The following LEKR1 variants were observed in gnomAD, a reference collection of about 807,000 sequenced individuals.
LEKR1 encodes the protein leucine, glutamate and lysine rich 1, also known as protein LEKR1.
In LEKR1, 59 loss-of-function variants were observed where a neutral mutation model predicts 72.4. The ratio of observed to expected loss-of-function variants is 0.82; its 90% confidence interval spans 0.66 to 1.01. The LOEUF (loss-of-function observed/expected upper bound fraction) is 1.01, where lower values mean the gene tolerates loss of function less well. LEKR1 is among the 50% of genes least tolerant of loss of function. LEKR1 has a pLI of 0.00. For missense variants in LEKR1, 728 were observed against 759.2 expected (o/e 0.96, Z 0.48); for synonymous variants, 257 against 263.2 (o/e 0.98, Z 0.23).
chr3:157,042,360 G>A lies in LEKR1; in HGVS notation c.1669-2980G>A, dbSNP rs988921123. ...CAGTCAGCAGCTCTTCCCCCACCCC[G>A]CTGGCTGGCCCCATTCACTTACTTT... On this transcript the variant is annotated intron_variant, in intron 12 of 12. Transcript: ENST00000356539. 7.9e-5 allele frequency among the ~76,000 whole-genome samples: 12 copies of A among 152,150 alleles called. No homozygotes were observed. The South Asian group carries it at 8.3e-4, about 11-fold the overall frequency.
intron 6 of LEKR1, among the ~76,000 whole-genome samples, chr3:156,975,982 T>C (rs1729654617): frequency 6.6e-6 from 1 of 152,156 alleles, no homozygotes; most frequent in South Asian, 2.1e-4. Context: ...ATAATACACT[T>C]ATTTAACAAC....
chr3:156,992,945 T>G, intron 8 of LEKR1, 129 bp from the exon 9 acceptor site: 1 of 549,568 alleles, frequency 1.8e-6, no homozygotes. Context: ...ATTCTTTTTT[T>G]AAAATTTTTA....
At chr3:156,905,928 C>T (rs1010935914) in intron 3 of LEKR1, among the ~76,000 whole-genome samples, 3 of 152,096 alleles carry the variant, frequency 2.0e-5, no homozygotes, top group Non-Finnish European at 4.4e-5. Context: ...ATACCTTTGC[C>T]TGTCCGACCT....
At chr3:156,890,315 GA>G (rs1472834168) in intron 3 of LEKR1, among the ~76,000 whole-genome samples, 3 of 152,110 alleles carry the variant, frequency 2.0e-5, no homozygotes, top group African/African-American at 7.2e-5. Flanking sequence ...TGAAATCTGA[GA>G]AGTTATAATC....
intron 6 of LEKR1, among the ~76,000 whole-genome samples, chr3:156,970,944 C>T (rs1404569628): frequency 1.3e-5 from 2 of 151,772 alleles, no homozygotes; most frequent in East Asian, 1.9e-4. Flanking sequence ...AATGCCATCC[C>T]CATCAAGCTA....
chr3:156,982,855 GTAGA>G (rs57476413), intron 7 of LEKR1, among the ~76,000 whole-genome samples: 30,341 of 139,702 alleles, frequency 0.22, 3,075 homozygotes, highest in Middle Eastern at 0.27. Context: ...GTGTGTGTGT[GTAGA>G]TAGATAGATA....
At chr3:156,957,682 G>A (rs1284252242) in intron 6 of LEKR1, among the ~76,000 whole-genome samples, 2 of 151,900 alleles carry the variant, frequency 1.3e-5, no homozygotes, top group Non-Finnish European at 1.5e-5. Context: ...GATGTTTTCA[G>A]TCTTCATATA....
chr3:156,891,322 T>C (rs1720648761), intron 3 of LEKR1, among the ~76,000 whole-genome samples: 1 of 152,196 alleles, frequency 6.6e-6, no homozygotes, highest in African/African-American at 2.4e-5. Flanking sequence ...AGCATGTGCA[T>C]TTGCCTTTTG....
At chr3:156,886,085 G>A (rs1328311476) in intron 3 of LEKR1, among the ~76,000 whole-genome samples, 1 of 152,190 alleles carries the variant, frequency 6.6e-6, no homozygotes, top group African/African-American at 2.4e-5. Flanking sequence ...GGTTGGGGCA[G>A]TTTTAGGCAG....
intron 9 of LEKR1, among the ~76,000 whole-genome samples, chr3:157,000,497 G>T (rs1421030684): frequency 6.6e-6 from 1 of 151,986 alleles, no homozygotes; most frequent in Admixed American, 6.5e-5. Context: ...GGCAATTAAG[G>T]CTTCTTTTCC....
intron 7 of LEKR1, among the ~76,000 whole-genome samples, chr3:156,984,129 A>G (rs1730476370): frequency 6.6e-6 from 1 of 152,208 alleles, no homozygotes; most frequent in Non-Finnish European, 1.5e-5. Context: ...AAATGATCCC[A>G]TTCATGCTAA....
At position 156,849,375 on chromosome 3, in the gene LEKR1, A is replaced by G. The variant is rs182923262; in HGVS notation, c.49-3393A>G. 3.1e-3 allele frequency among the ~76,000 whole-genome samples: 479 copies of G among 152,292 alleles called. 3 individuals are homozygous for G. The highest frequency in any genetic ancestry group is 2.7e-3 in the Non-Finnish European group (184 of 68,026). On this transcript the variant is annotated intron_variant, in intron 2 of 12. Transcript: ENST00000356539. ...TCAATGCCATCCCCATCAAGCTACT[A>G]ATGACTTTCTTCACAGAATTGGAAA...
At chr3:157,026,478 G>C (rs927750713) in intron 11 of LEKR1, among the ~76,000 whole-genome samples, 1 of 152,174 alleles carries the variant, frequency 6.6e-6, no homozygotes, top group Non-Finnish European at 1.5e-5. Context: ...CTCTCCCAAA[G>C]ATACTTTCAG....
In LEKR1 at chr3:156,952,303, G is replaced by A. The variant is rs149507742; in HGVS notation, c.745+9589G>A. 1.9e-3 allele frequency among the ~76,000 whole-genome samples: 284 copies of A among 151,520 alleles called. 2 individuals are homozygous for A. The highest frequency in any genetic ancestry group is 6.7e-3 in the African/African-American group (277 of 41,454). ...AAATGGAGGCACATCGAAACCATGT[G>A]AGAGTAGTAGCAACAAAAATGCATT... On this transcript the variant is annotated intron_variant, in intron 6 of 12. Transcript: ENST00000356539.
chr3:156,837,890 G>A (rs867655626), intron 2 of LEKR1, among the ~76,000 whole-genome samples: 1 of 152,162 alleles, frequency 6.6e-6, no homozygotes, highest in African/African-American at 2.4e-5. Flanking sequence ...CTGTACCATA[G>A]CTGTGGGGGC....
chr3:156,934,618 C>T (rs1725530356), intron 5 of LEKR1, among the ~76,000 whole-genome samples: 2 of 151,404 alleles, frequency 1.3e-5, no homozygotes, highest in African/African-American at 4.9e-5. Context: ...TTAGTTTTTC[C>T]CAAATTCAAA....
chr3:156,908,823 A>C (rs1722804451), intron 3 of LEKR1, among the ~76,000 whole-genome samples: 1 of 152,198 alleles, frequency 6.6e-6, no homozygotes, highest in Non-Finnish European at 1.5e-5. Context: ...AACACTAAGA[A>C]TATTCATTAT....
Position 156,846,957 on chromosome 3 carries a change from C to T in LEKR1, c.49-5811C>T, listed in dbSNP as rs6799520. On this transcript the variant is annotated intron_variant, in intron 2 of 12. Transcript: ENST00000356539. ...CCTCCCAAGTAGCTGGGACTGCAGG[C>T]GCACACCACCACGCCTGGCTAATTT... Among the ~76,000 whole-genome samples the T allele has an allele frequency of 4.2e-3, 638 of 152,146 alleles. 2 individuals are homozygous for T. The highest frequency in any genetic ancestry group is 0.015 in the African/African-American group (610 of 41,500).
At chr3:157,013,259 G>A (rs1398871648) in intron 10 of LEKR1, among the ~76,000 whole-genome samples, 1 of 151,990 alleles carries the variant, frequency 6.6e-6, no homozygotes, top group African/African-American at 2.4e-5. Context: ...TTTTGCTTTT[G>A]TAGAAATTTC....
Sources: gnomAD v4.1 joint callset for allele counts (sites outside exome capture counted in the v4.1 genomes callset) on GRCh38, gnomAD v4.1.1 for gene constraint, MANE v1.5 for transcripts, NCBI Gene and HGNC (gene_info 2026-07-23, HGNC 2026-07-21) for gene names.